CASP6: variants seen among roughly 807,000 people sequenced by gnomAD.
The protein encoded by CASP6 is caspase-6.
Under a neutral mutation model 31.8 loss-of-function variants are expected in CASP6, and 20 were observed. That is an observed-to-expected ratio of 0.63 (90% CI 0.44 to 0.91). The LOEUF (loss-of-function observed/expected upper bound fraction) is 0.91. CASP6 is among the 40% of genes least tolerant of loss of function. The pLI, the probability that CASP6 is intolerant of heterozygous loss-of-function variation, is 0.00. For synonymous variants in CASP6, 130 were observed against 127.8 expected (o/e 1.02, Z -0.12); for missense variants, 328 against 361.1 (o/e 0.91, Z 0.74).
chr4:109,696,457 C>G lies in CASP6; in HGVS notation c.260G>C (p.Cys87Ser), dbSNP rs1323383203. The change falls in exon 4 of 7, where the codon TGC becomes TCC. Residue 87 changes from cysteine to serine, a missense_variant. By Grantham distance (112) the Cys-to-Ser change is moderately radical. Coordinates refer to ENST00000265164, the MANE Select transcript of CASP6 (RefSeq NM_001226.4). ...TTCTTCTGCTTTAAGATCATTAAAG[C>G]ATTTCACTTCAAATCCTAGATCTGA... ...RFSDLGFEVK[C>S]FNDLKAEELL... is the part of the protein sequence containing the mutation. The G allele has an allele frequency of 1.2e-6, 2 of 1,612,374 alleles. No homozygotes were observed. Among genetic ancestry groups the G allele is most frequent in the African/African-American group, 1.3e-5 (1 of 74,880 alleles).
In CASP6 at chr4:109,691,243, C is replaced by T. The variant is rs1730046979; in HGVS notation, c.484-234G>A. On this transcript the variant is annotated intron_variant, in intron 5 of 6. Transcript: ENST00000265164. ...GAAAAAATTGGCATCCCCAAGTATA[C>T]ATCAAATTATGTTGGTAGAAGGGTA... is the stretch of plus-strand genomic sequence containing the variant. 3.3e-5 allele frequency among the ~76,000 whole-genome samples: 5 copies of T among 151,788 alleles called. 1 individual carries two copies. The highest frequency in any genetic ancestry group is 4.1e-4 in the South Asian group (2 of 4,822).
chr4:109,701,568 G>C (rs1445047618), intron 1 of CASP6, among the ~76,000 whole-genome samples: 5 of 152,082 alleles, frequency 3.3e-5, no homozygotes, highest in Admixed American at 3.3e-4. Flanking sequence ...GCTGGGACTA[G>C]AGGCGCCCAC....
At chr4:109,706,615 G>C (rs1210981016), upstream of CASP6, among the ~76,000 whole-genome samples, 1 of 152,192 alleles carries the variant, frequency 6.6e-6, no homozygotes, top group Non-Finnish European at 1.5e-5. Flanking sequence ...ACATGCTACA[G>C]GGAAATCTTT....
the CASP6 span, among the ~76,000 whole-genome samples, chr4:109,681,721 G>T: frequency 2.0e-5 from 3 of 152,248 alleles, no homozygotes; most frequent in Non-Finnish European, 4.4e-5. Flanking sequence ...CGGCAAAGGG[G>T]TGCCTCGCTG....
intron 6 of CASP6, among the ~76,000 whole-genome samples, chr4:109,690,254 G>A (rs750684247): frequency 1.3e-4 from 13 of 100,536 alleles, no homozygotes; most frequent in South Asian, 3.3e-4. Context: ...AAAAACGCAC[G>A]CACGCACGCA....
At chr4:109,694,375 C>A in intron 5 of CASP6, 150 bp downstream of exon 5, 1 of 611,994 alleles carries the variant, frequency 1.6e-6, no homozygotes, top group Non-Finnish European at 2.8e-6. Flanking sequence ...TTATTACTAA[C>A]AGCTCAAAGT....
the CASP6 span, among the ~76,000 whole-genome samples, chr4:109,677,295 G>T: frequency 2.6e-5 from 4 of 152,156 alleles, no homozygotes; most frequent in African/African-American, 9.7e-5. Flanking sequence ...CTGTGAGTTT[G>T]ATTTCAGACT....
At chr4:109,682,943 A>G in the CASP6 span, 11 of 487,922 alleles carry the variant, frequency 2.3e-5, no homozygotes, top group East Asian at 2.2e-4. Flanking sequence ...TCGCTAATAC[A>G]TGGTAGAGCC....
At chr4:109,697,364 T>G (rs1411968458) in intron 3 of CASP6, among the ~76,000 whole-genome samples, 1 of 152,030 alleles carries the variant, frequency 6.6e-6, no homozygotes, top group Admixed American at 6.6e-5. Flanking sequence ...CTTGAACTCC[T>G]GGGATCAAGC....
chr4:109,675,419 C>T, the CASP6 span, among the ~76,000 whole-genome samples: 1 of 152,244 alleles, frequency 6.6e-6, no homozygotes, highest in African/African-American at 2.4e-5. Flanking sequence ...ACACCACACA[C>T]ACTAAGAGAG....
chr4:109,678,869 G>A, the CASP6 span, among the ~76,000 whole-genome samples: 955 of 129,220 alleles, frequency 7.4e-3, 8 homozygotes, highest in African/African-American at 0.026. Flanking sequence ...TGGGGCGGCC[G>A]GGCAGAGACA....
chr4:109,685,430 T>C (rs1431747865), downstream of CASP6: 5 of 703,836 alleles, frequency 7.1e-6, no homozygotes. Context: ...ATCAGGGAAG[T>C]ATAACTGGTG....
rs983406514 is a variant in CASP6 at position 109,698,358 on chromosome 4, G to T, written c.41-16C>A. The T allele has an allele frequency of 1.2e-6, 2 of 1,606,634 alleles. No homozygotes were observed. The highest frequency in any genetic ancestry group is 2.2e-5 in the South Asian group (2 of 89,678). On this transcript the variant is annotated splice_polypyrimidine_tract_variant and intron_variant, in intron 1 of 6. Transcript: ENST00000265164. ...TCTTCCCCACCTATTAAAAAAAGTT[G>T]ATTTTTGTTAATTATTTTTTACTTA...
the CASP6 span, among the ~76,000 whole-genome samples, chr4:109,667,956 AT>A: frequency 6.6e-6 from 1 of 151,916 alleles, no homozygotes; most frequent in African/African-American, 2.4e-5. Context: ...TTTTCCAGCT[AT>A]CTTTGGGTTA....
chr4:109,680,488 T>A, the CASP6 span, among the ~76,000 whole-genome samples: 14 of 149,486 alleles, frequency 9.4e-5, no homozygotes, highest in African/African-American at 1.8e-4. Flanking sequence ...TTACCCTTGC[T>A]GTTTTAGTGC....
At chr4:109,668,705 T>C in the CASP6 span, among the ~76,000 whole-genome samples, 4 of 152,154 alleles carry the variant, frequency 2.6e-5, no homozygotes, top group Admixed American at 2.6e-4. Flanking sequence ...ACTGTTTTTT[T>C]TTTTCCTGTT....
the CASP6 span, chr4:109,682,548 G>T: frequency 2.9e-5 from 46 of 1,565,274 alleles, no homozygotes; most frequent in Non-Finnish European, 4.0e-5. Context: ...GAACAATGTG[G>T]TGACTGGCTT....
chr4:109,676,249 C>T, the CASP6 span, among the ~76,000 whole-genome samples: 33 of 152,064 alleles, frequency 2.2e-4, no homozygotes, highest in Non-Finnish European at 3.1e-4. Context: ...GTAGAAATAT[C>T]GATGGTAGGC....
the CASP6 span, among the ~76,000 whole-genome samples, chr4:109,671,072 A>G: frequency 6.6e-6 from 1 of 152,136 alleles, no homozygotes; most frequent in Non-Finnish European, 1.5e-5. Flanking sequence ...GGCGACAGCA[A>G]TTTTCCCTCT....
Sources: allele counts gnomAD v4.1 joint callset (sites outside exome capture counted in the v4.1 genomes callset), GRCh38; gene constraint gnomAD v4.1.1; transcripts MANE v1.5; gene names NCBI Gene and HGNC (gene_info 2026-07-23, HGNC 2026-07-21).